Variants in ZNF367 observed in about 807,000 individuals in gnomAD.
ZNF367 encodes zinc finger protein 367.
Under a neutral mutation model 31.8 loss-of-function variants are expected in ZNF367, and 11 were observed. The ratio of observed to expected loss-of-function variants is 0.35; its 90% CI spans 0.22 to 0.57. The LOEUF is 0.57. Among genes scored for constraint, ZNF367 ranks in the 20% least tolerant of loss-of-function variants. The pLI is 0.85. For synonymous variants in ZNF367, 199 were observed against 202.4 expected (o/e 0.98, Z 0.14); for missense variants, 353 against 484.1 (o/e 0.73, Z 2.54).
chr9:96,417,974 A>G lies in ZNF367; in HGVS notation c.59T>C (p.Val20Ala), dbSNP rs1369927217. 2.1e-6 allele frequency: 3 copies of G among 1,456,932 alleles called. No homozygotes were observed. Among genetic ancestry groups the G allele is most frequent in the Admixed American group, 2.6e-5 (1 of 38,306 alleles). The allele number at this position is 1,456,932 out of a possible 1,614,324, so 90.3% of individuals were successfully genotyped here. The change falls in exon 1 of 5, where the codon GTC becomes GCC. Residue 20 changes from valine to alanine, a missense_variant. Val to Ala is a moderately conservative substitution (Grantham distance 64). This residue lies in a region of ZNF367 where 94 missense variants were observed against 86.7 expected (regional missense o/e 1.08). Transcript: ENST00000375256. The surrounding 1 kb of genome is among the most constrained non-coding windows in gnomAD (Gnocchi z 5.0). Reference protein sequence around the residue: ...AENPPPPPPPVIFCHDSPKRV... With the variant: ...AENPPPPPPPAIFCHDSPKRV... ...CTTCGGGGAGTCGTGGCAGAAGATG[A>G]CGGGCGGCGGCGGCGGCGGCGGGTT...
chr9:96,417,823 C>G lies in ZNF367; in HGVS notation c.210G>C (p.Pro70=), dbSNP rs1319401104. Residue 70 remains proline (P), a synonymous_variant, in exon 1 of 5, where the codon CCG becomes CCC. Transcript: ENST00000375256. This position sits in a 1 kb window ranked among gnomAD's most constrained non-coding sequence, Gnocchi z 5.0. ...TGTGTGCGTTCTCGCCCCAGCGCCACGGGTACACCATGAAGTCGCTGAAGC... is the reference window on the plus strand; with the variant it reads ...TGTGTGCGTTCTCGCCCCAGCGCCAGGGGTACACCATGAAGTCGCTGAAGC... ...SPGFSDFMVY[P]WRWGENAHNV... The G allele has an allele frequency of 6.9e-7, 1 of 1,456,026 alleles. No individual in the cohort carries two copies. Among genetic ancestry groups the G allele is most frequent in the Non-Finnish European group, 9.0e-7 (1 of 1,109,948 alleles). The allele number at this position is 1,456,026 out of a possible 1,614,324, so 90.2% of individuals were successfully genotyped here.
At position 96,410,751 on chromosome 9, in the gene ZNF367, G is replaced by A. The variant is rs543261062; in HGVS notation, c.420+6862C>T. On this transcript the variant is annotated intron_variant, in intron 1 of 4. Transcript: ENST00000375256. ...AAATTAGCTGGGTGTGGTGGCACGC[G>A]CCTATAGTCCCAGCTACTTGGGAGG... is the stretch of plus-strand genomic sequence containing the variant. Among the ~76,000 whole-genome samples the A allele has an allele frequency of 1.4e-4, 21 of 151,206 alleles. No individual in the cohort carries two copies. The East Asian group carries it at 3.9e-3, about 28-fold the overall frequency.
Position 96,417,346 on chromosome 9 carries a change from C to G in ZNF367, c.420+267G>C, listed in dbSNP as rs1312362708. On this transcript the variant is annotated intron_variant, in intron 1 of 4. Transcript: ENST00000375256. This position sits in a 1 kb window ranked among gnomAD's most constrained non-coding sequence, Gnocchi z 5.0. ...GGGAGGATGTCAGTGGCCGTTGACC[C>G]GGCCTCCCCAGCGACCCCGGGCCGC... is the stretch of plus-strand genomic sequence containing the variant. Among the ~76,000 whole-genome samples, 1 of 152,066 alleles carries G rather than the reference C, an allele frequency of 6.6e-6. No individual in the cohort carries two copies. Among genetic ancestry groups the G allele is most frequent in the Admixed American group, 6.5e-5 (1 of 15,278 alleles).
chr9:96,395,514 C>A (rs1433491470), intron 2 of ZNF367, among the ~76,000 whole-genome samples: 2 of 152,182 alleles, frequency 1.3e-5, no homozygotes, highest in East Asian at 3.9e-4. Context: ...ACCTCATTAG[C>A]TACTGGGGTT....
At chr9:96,393,136 C>A (rs1001154647) in intron 3 of ZNF367, among the ~76,000 whole-genome samples, 1 of 152,130 alleles carries the variant, frequency 6.6e-6, no homozygotes, top group Non-Finnish European at 1.5e-5. Context: ...TTTGTGGATT[C>A]CAACATAAGG....
chr9:96,390,151 C>G lies in ZNF367; in HGVS notation c.831-1692G>C, dbSNP rs184602913. 3.9e-3 allele frequency among the ~76,000 whole-genome samples: 591 copies of G among 151,854 alleles called. 1 individual carries two copies. The highest frequency in any genetic ancestry group is 6.8e-3 in the Middle Eastern group (2 of 292). Reference sequence around the variant, plus strand: ...GAACTCCTGACCTCAGGTGATCCACCCACCTCAGCCAAAGTGTTGGGATTA... The same window carrying G: ...GAACTCCTGACCTCAGGTGATCCACGCACCTCAGCCAAAGTGTTGGGATTA... On this transcript the variant is annotated intron_variant, in intron 4 of 4. Transcript: ENST00000375256.
intron 1 of ZNF367, chr9:96,407,838 C>T: frequency 1.3e-6 from 1 of 780,396 alleles, no homozygotes; most frequent in South Asian, 2.3e-5. Context: ...TGGTCTCGAT[C>T]TCTCTGATCC....
Position 96,398,227 on chromosome 9 carries a change from T to C in ZNF367, c.508A>G (p.Asn170Asp), listed in dbSNP as rs1831558930. ...CGTGGAAACACCCTATTACAGATGT[T>C]ACAACGGATTCTGCTGGATGAATGC... The part of the protein sequence containing the change: ...GEHSSSRIRC[N>D]ICNRVFPREK... The change falls in exon 2 of 5, where the codon AAC becomes GAC. Residue 170 changes from asparagine (N) to aspartate (D), a missense_variant. Asn to Asp is a conservative substitution (Grantham distance 23, BLOSUM62 1). Around this residue, in one of 5 missense-constraint regions of ZNF367, gnomAD observed 57 missense variants for 141.9 expected, o/e 0.40. Transcript: ENST00000375256. 1.2e-6 allele frequency: 2 copies of C among 1,613,212 alleles called. No homozygotes were observed. Among genetic ancestry groups the C allele is most frequent in the South Asian group, 1.1e-5 (1 of 91,032 alleles).
intron 1 of ZNF367, among the ~76,000 whole-genome samples, chr9:96,413,934 T>C (rs965855626): frequency 1.3e-5 from 2 of 151,786 alleles, no homozygotes; most frequent in African/African-American, 4.9e-5. Context: ...ATGTGGCATA[T>C]TGGGAGAATG....
chr9:96,402,397 A>G (rs982330758), intron 1 of ZNF367, among the ~76,000 whole-genome samples: 2 of 151,848 alleles, frequency 1.3e-5, no homozygotes, highest in African/African-American at 4.8e-5. Flanking sequence ...AAATAGTTCA[A>G]AAACAGCTGG....
chr9:96,386,776 A>G lies in ZNF367; in HGVS notation c.*1461T>C, dbSNP rs529824906. The G allele has an allele frequency of 3.3e-5, 5 of 152,270 alleles. No individual in the cohort carries two copies. Among genetic ancestry groups the G allele is most frequent in the African/African-American group, 1.2e-4 (5 of 41,558 alleles). The allele number at this position is 152,270 out of a possible 1,614,324, so 9.4% of individuals were successfully genotyped here. ...ACATATTTTAAACTATCTGTGTACT[A>G]TGACACATTGGGATTTTTGGATAAA... On this transcript the variant is annotated 3_prime_UTR_variant, in exon 5 of 5. Coordinates refer to ENST00000375256, the MANE Select transcript of ZNF367 (RefSeq NM_153695.4).
At chr9:96,404,834 A>G (rs1399533901) in intron 1 of ZNF367, among the ~76,000 whole-genome samples, 4 of 152,182 alleles carry the variant, frequency 2.6e-5, no homozygotes, top group African/African-American at 9.7e-5. Context: ...ACAGAATGGG[A>G]GATATTTATT....
intron 4 of ZNF367, among the ~76,000 whole-genome samples, chr9:96,391,759 G>T (rs1034940412): frequency 6.6e-6 from 1 of 152,054 alleles, no homozygotes; most frequent in African/African-American, 2.4e-5. Context: ...TCTATCCCTG[G>T]TGTTTTTTTG....
chr9:96,389,529 G>A (rs1361711835), intron 4 of ZNF367, among the ~76,000 whole-genome samples: 1 of 151,930 alleles, frequency 6.6e-6, no homozygotes, highest in Non-Finnish European at 1.5e-5. Flanking sequence ...GGAGGAATGT[G>A]TAGTTCAGTT....
chr9:96,408,644 T>C (rs975001557), intron 1 of ZNF367, among the ~76,000 whole-genome samples: 1 of 152,164 alleles, frequency 6.6e-6, no homozygotes, highest in Non-Finnish European at 1.5e-5. Flanking sequence ...TCAGTGAGTA[T>C]AGAGTTTGTT....
intron 1 of ZNF367, among the ~76,000 whole-genome samples, chr9:96,403,894 G>A (rs1029796907): frequency 2.0e-5 from 3 of 152,116 alleles, no homozygotes; most frequent in Non-Finnish European, 2.9e-5. Flanking sequence ...ATATAAGAAC[G>A]AAAACTATAG....
At chr9:96,401,690 T>C (rs1164475955) in intron 1 of ZNF367, among the ~76,000 whole-genome samples, 1 of 144,922 alleles carries the variant, frequency 6.9e-6, no homozygotes, top group Non-Finnish European at 1.5e-5. Flanking sequence ...TAGCCAGGTG[T>C]AGTGGCGCAC....
intron 1 of ZNF367, among the ~76,000 whole-genome samples, chr9:96,399,011 G>A (rs79617583): frequency 6.6e-6 from 1 of 152,096 alleles, no homozygotes. Context: ...TGGGGCAAAA[G>A]ATTTCAGTTG....
At chr9:96,401,045 A>G (rs989913942) in intron 1 of ZNF367, among the ~76,000 whole-genome samples, 1 of 152,070 alleles carries the variant, frequency 6.6e-6, no homozygotes, top group Non-Finnish European at 1.5e-5. Flanking sequence ...GGGAAACGTA[A>G]GGAGACCTCA....
Sources: gnomAD v4.1 joint callset for allele counts (sites outside exome capture counted in the v4.1 genomes callset) on GRCh38, gnomAD v4.1.1 for gene constraint, gnomAD v4.1.1 regional missense constraint, Gnocchi (gnomAD v3.1) non-coding constraint, MANE v1.5 for transcripts, NCBI Gene and HGNC (gene_info 2026-07-23, HGNC 2026-07-21) for gene names.